The following SYN2 variants were observed in gnomAD, a reference collection of about 807,000 sequenced individuals.
The protein encoded by SYN2 is synapsin-2.
SYN2 carries 19 observed loss-of-function variants against 50.9 expected under a neutral mutation model. The observed-to-expected ratio is 0.37, with a 90% CI of 0.26 to 0.55. The LOEUF is 0.55. Ranked by LOEUF, SYN2 falls within the 20% of genes least tolerant of loss-of-function variation. The probability of loss-of-function intolerance (pLI) is 0.81; values close to 1 mark genes in which losing one functional copy is unlikely to be tolerated. For missense variants in SYN2, 587 were observed against 576.4 expected, an observed-to-expected ratio of 1.02 and a Z score of -0.19; for synonymous variants, 255 against 224.9, an observed-to-expected ratio of 1.13 and a Z score of -1.20.
intron 1 of SYN2, among the ~76,000 whole-genome samples, chr3:12,015,721 T>C (rs1169604436): frequency 6.6e-6 from 1 of 152,208 alleles, no homozygotes; most frequent in Admixed American, 6.5e-5. Context: ...CCATGCTTGT[T>C]TTTTTCTGAA....
At chr3:12,184,346 G>GT in intron 11 of SYN2, 1 of 985,882 alleles carries the variant, frequency 1.0e-6, no homozygotes, top group Non-Finnish European at 1.2e-6. Flanking sequence ...GTGGACCTGA[G>GT]GCTGCTTTCT....
intron 1 of SYN2, among the ~76,000 whole-genome samples, chr3:12,064,886 A>T (rs560570269): frequency 5.3e-5 from 8 of 152,228 alleles, no homozygotes; most frequent in African/African-American, 1.4e-4. Flanking sequence ...ACCTGAGAGG[A>T]TTTAAAACAC....
chr3:12,124,212 G>A (rs1696618598), intron 1 of SYN2, among the ~76,000 whole-genome samples: 1 of 151,996 alleles, frequency 6.6e-6, no homozygotes. Flanking sequence ...AAACTTGACT[G>A]TACAAAGTAA....
chr3:12,023,757 G>C (rs1248746143), intron 1 of SYN2, among the ~76,000 whole-genome samples: 4 of 152,158 alleles, frequency 2.6e-5, no homozygotes, highest in African/African-American at 9.7e-5. Flanking sequence ...TGTAGAAAAT[G>C]GGCTGTGGGG....
chr3:12,055,956 T>C (rs1015735808), intron 1 of SYN2, among the ~76,000 whole-genome samples: 8 of 152,196 alleles, frequency 5.3e-5, no homozygotes, highest in Admixed American at 1.3e-4. Context: ...TGATCAAGCC[T>C]CTGCGTCCAG....
chr3:12,132,000 CT>C (rs988132684), intron 1 of SYN2, among the ~76,000 whole-genome samples: 2 of 149,346 alleles, frequency 1.3e-5, no homozygotes, highest in Admixed American at 6.7e-5. Context: ...TTTTCTTTTT[CT>C]TTTTTTTCCT....
chr3:12,111,991 A>G (rs1341682496), intron 1 of SYN2, among the ~76,000 whole-genome samples: 2 of 152,214 alleles, frequency 1.3e-5, no homozygotes, highest in African/African-American at 4.8e-5. Context: ...GGCAACTTTC[A>G]GAAACTTCTT....
chr3:12,047,602 G>A (rs922649792), intron 1 of SYN2, among the ~76,000 whole-genome samples: 2 of 152,012 alleles, frequency 1.3e-5, no homozygotes, highest in Non-Finnish European at 2.9e-5. Flanking sequence ...GGTTTTTGAG[G>A]TTTTTGTCAG....
chr3:12,161,410 T>G, intron 5 of SYN2, 136 bp from the exon 6 acceptor site: 1 of 973,396 alleles, frequency 1.0e-6, no homozygotes, highest in Non-Finnish European at 1.6e-6. Context: ...TCTCAGTTTT[T>G]TAATCTGTAA....
intron 1 of SYN2, among the ~76,000 whole-genome samples, chr3:12,037,979 C>G (rs1694534071): frequency 6.6e-6 from 1 of 152,098 alleles, no homozygotes; most frequent in African/African-American, 2.4e-5. Context: ...AAACTGTTGC[C>G]TAATCCAAGA....
chr3:12,018,225 T>G lies in SYN2; in HGVS notation c.377+13297T>G, dbSNP rs73135639. Among the ~76,000 whole-genome samples, 274 of 151,710 alleles carry G rather than the reference T, an allele frequency of 1.8e-3. 3 individuals are homozygous for G. The highest frequency in any genetic ancestry group is 6.2e-3 in the African/African-American group (258 of 41,322). Reference sequence around the variant, plus strand: ...TCTGAGCTGAGCTTTGAAAGATGAGTGGGATTTAGATTAGTGAGGAAGGAA... The same window carrying G: ...TCTGAGCTGAGCTTTGAAAGATGAGGGGGATTTAGATTAGTGAGGAAGGAA... On this transcript the variant is annotated intron_variant, in intron 1 of 12. Transcript: ENST00000621198.
chr3:12,081,687 C>T (rs1445794939), intron 1 of SYN2, among the ~76,000 whole-genome samples: 2 of 152,128 alleles, frequency 1.3e-5, no homozygotes, highest in Non-Finnish European at 2.9e-5. Context: ...TTCTCAGTAG[C>T]CATCTAATCC....
intron 1 of SYN2, among the ~76,000 whole-genome samples, chr3:12,008,895 C>T (rs922422141): frequency 1.3e-5 from 2 of 152,116 alleles, no homozygotes; most frequent in African/African-American, 4.8e-5. Flanking sequence ...AAGAGGGGGA[C>T]AACGAAGAGA....
At chr3:12,087,619 G>A (rs1156400290) in intron 1 of SYN2, among the ~76,000 whole-genome samples, 1 of 152,010 alleles carries the variant, frequency 6.6e-6, no homozygotes, top group Non-Finnish European at 1.5e-5. Context: ...AGGAGTGGTG[G>A]TACACACCTG....
At position 12,183,275 on chromosome 3, in the gene SYN2, G is replaced by A. The variant is rs190873768; in HGVS notation, c.1309-37G>A. 106 of 1,585,178 alleles carry A rather than the reference G, an allele frequency of 6.7e-5. No individual in the cohort carries two copies. In the Middle Eastern group the frequency reaches 1.5e-3, roughly 22 times the overall value. On this transcript the variant is annotated intron_variant, in intron 10 of 12. Coordinates refer to ENST00000621198, the MANE Select transcript of SYN2 (RefSeq NM_133625.6). ...TTTCTCTTTGGAATTCAGTGGCTTG[G>A]AGTTTTGTTTTTATCTCTTACATTT...
At chr3:12,120,998 A>G (rs144706098) in intron 1 of SYN2, among the ~76,000 whole-genome samples, 1,847 of 152,260 alleles carry the variant, frequency 0.012, 21 homozygotes, top group Admixed American at 0.047. Context: ...ATCGGCCATC[A>G]TTCCTTGCCT....
intron 1 of SYN2, 100 bp downstream of exon 1, chr3:12,005,028 A>G: frequency 2.6e-6 from 1 of 386,044 alleles, no homozygotes; most frequent in Non-Finnish European, 4.6e-6. Flanking sequence ...TTTCAGACCA[A>G]TAAAAAGGAG....
intron 3 of SYN2, among the ~76,000 whole-genome samples, chr3:12,143,537 G>A (rs1309752941): frequency 6.6e-6 from 1 of 152,112 alleles, no homozygotes; most frequent in African/African-American, 2.4e-5. Context: ...GACAAATGCA[G>A]TATTTGATTT....
At chr3:12,053,227 C>T (rs140330551) in intron 1 of SYN2, among the ~76,000 whole-genome samples, 1 of 151,954 alleles carries the variant, frequency 6.6e-6, no homozygotes, top group African/African-American at 2.4e-5. Context: ...TCGAGACTAG[C>T]CTCACCAACA....
Sources: allele counts gnomAD v4.1 joint callset (sites outside exome capture counted in the v4.1 genomes callset), GRCh38; gene constraint gnomAD v4.1.1; transcripts MANE v1.5; gene names NCBI Gene and HGNC (gene_info 2026-07-23, HGNC 2026-07-21).